Variants in MACROD2 observed in about 807,000 individuals in gnomAD.
MACROD2 encodes the protein ADP-ribose glycohydrolase MACROD2.
Under a neutral mutation model 70.4 loss-of-function variants are expected in MACROD2, and 36 were observed. The ratio of observed to expected loss-of-function variants is 0.51; its 90% confidence interval spans 0.39 to 0.68. The LOEUF is 0.68. Ranked by LOEUF, MACROD2 falls within the 30% of genes least tolerant of loss-of-function variation. The probability of loss-of-function intolerance (pLI) is 0.00; values close to 1 mark genes in which losing one functional copy is unlikely to be tolerated. For synonymous variants in MACROD2, 172 were observed against 178.8 expected (o/e 0.96, Z 0.30); for missense variants, 496 against 538.4 (o/e 0.92, Z 0.78).
chr20:14,545,810 A>T (rs1044139199), intron 4 of MACROD2, among the ~76,000 whole-genome samples: 1 of 152,170 alleles, frequency 6.6e-6, no homozygotes, highest in Non-Finnish European at 1.5e-5. Context: ...GAAGCAGTGA[A>T]GGTGTCTTAT....
intron 5 of MACROD2, among the ~76,000 whole-genome samples, chr20:15,226,416 A>T (rs2076906652): frequency 6.6e-6 from 1 of 152,144 alleles, no homozygotes; most frequent in Non-Finnish European, 1.5e-5. Flanking sequence ...TTCTATTTAC[A>T]TTATCTTATT....
At chr20:15,416,618 G>A (rs1006819694) in intron 6 of MACROD2, among the ~76,000 whole-genome samples, 2 of 152,142 alleles carry the variant, frequency 1.3e-5, no homozygotes, top group Non-Finnish European at 2.9e-5. Flanking sequence ...AAAAGTGGCT[G>A]TATTGGCTGG....
At chr20:15,775,309 G>A (rs140676055) in intron 8 of MACROD2, among the ~76,000 whole-genome samples, 1 of 152,190 alleles carries the variant, frequency 6.6e-6, no homozygotes, top group African/African-American at 2.4e-5. Context: ...AGCCAAGGTC[G>A]CAAAAACTCT....
At chr20:15,516,352 G>A (rs1267329198) in intron 8 of MACROD2, among the ~76,000 whole-genome samples, 1 of 152,082 alleles carries the variant, frequency 6.6e-6, no homozygotes, top group Non-Finnish European at 1.5e-5. Context: ...AAGCCTCTCA[G>A]TCTTTATTTA....
chr20:14,805,394 A>AT (rs1172474538), intron 5 of MACROD2, among the ~76,000 whole-genome samples: 4 of 151,754 alleles, frequency 2.6e-5, no homozygotes, highest in Non-Finnish European at 5.9e-5. Flanking sequence ...TTTTACCTCT[A>AT]TTTTTCCCCA....
intron 5 of MACROD2, among the ~76,000 whole-genome samples, chr20:15,166,999 A>G (rs1444165590): frequency 1.3e-5 from 2 of 151,348 alleles, no homozygotes; most frequent in African/African-American, 2.4e-5. Context: ...GTATGAAATT[A>G]TTAAATTTAA....
At chr20:15,125,986 T>C in intron 5 of MACROD2, among the ~76,000 whole-genome samples, 1 of 149,956 alleles carries the variant, frequency 6.7e-6, no homozygotes, top group East Asian at 1.9e-4. Flanking sequence ...TCAAGATTCA[T>C]CTATGTTGTA....
intron 3 of MACROD2, among the ~76,000 whole-genome samples, chr20:14,372,959 T>A (rs1302810967): frequency 6.6e-6 from 1 of 152,198 alleles, no homozygotes; most frequent in Non-Finnish European, 1.5e-5. Context: ...TGGGGCATAC[T>A]GTCAAAATTC....
chr20:14,866,348 C>T (rs1326849167), intron 5 of MACROD2, among the ~76,000 whole-genome samples: 1 of 152,088 alleles, frequency 6.6e-6, no homozygotes, highest in Non-Finnish European at 1.5e-5. Context: ...TTGATCACAT[C>T]CAAAGTGCAC....
intron 9 of MACROD2, among the ~76,000 whole-genome samples, chr20:15,873,346 T>G (rs2064613576): frequency 6.6e-6 from 1 of 152,136 alleles, no homozygotes; most frequent in African/African-American, 2.4e-5. Context: ...CCTTTCTCAG[T>G]GGGTTACATC....
intron 2 of MACROD2, among the ~76,000 whole-genome samples, chr20:14,075,116 A>G (rs1013221703): frequency 6.6e-6 from 1 of 152,234 alleles, no homozygotes; most frequent in African/African-American, 2.4e-5. Flanking sequence ...GATATGCCAA[A>G]GAGAAGCCAT....
intron 5 of MACROD2, among the ~76,000 whole-genome samples, chr20:14,984,694 G>A (rs1354326627): frequency 6.6e-6 from 1 of 152,116 alleles, no homozygotes; most frequent in Non-Finnish European, 1.5e-5. Flanking sequence ...TTGTGGATTG[G>A]GGAAACATAG....
At chr20:15,641,962 GTCT>G (rs1223082095) in intron 8 of MACROD2, among the ~76,000 whole-genome samples, 3 of 152,182 alleles carry the variant, frequency 2.0e-5, no homozygotes, top group South Asian at 2.1e-4. Context: ...ATACTGCAAA[GTCT>G]TCTTCTTTTC....
At chr20:14,895,530 G>A (rs1021274324) in intron 5 of MACROD2, 3 of 152,020 alleles carry the variant, frequency 2.0e-5, no homozygotes, top group Non-Finnish European at 2.9e-5. Flanking sequence ...TGGCTTTTGC[G>A]GATCAGGAAC....
At position 14,118,906 on chromosome 20, in the gene MACROD2, C is replaced by T. The variant is rs915774441; in HGVS notation, c.271+33178C>T. On this transcript the variant is annotated intron_variant, in intron 3 of 17. Transcript: ENST00000684519. ...TCTTACCCAGATTGGAGTGCAATGG[C>T]GCGATCTCAGCTCACTGCCACCTCT... is the stretch of plus-strand genomic sequence containing the variant. Among the ~76,000 whole-genome samples the T allele has an allele frequency of 4.1e-5, 6 of 145,050 alleles. No homozygotes were observed. The East Asian group carries it at 6.1e-4, about 15-fold the overall frequency.
At chr20:15,980,587 G>A (rs770863313) in intron 13 of MACROD2, among the ~76,000 whole-genome samples, 5 of 152,164 alleles carry the variant, frequency 3.3e-5, no homozygotes, top group East Asian at 1.9e-4. Flanking sequence ...AGAGTTTTAA[G>A]TCCTCTTAGT....
chr20:14,542,653 T>G (rs538933209), intron 4 of MACROD2, among the ~76,000 whole-genome samples: 1 of 152,310 alleles, frequency 6.6e-6, no homozygotes, highest in South Asian at 2.1e-4. Context: ...AAAATCTCTT[T>G]GAAATGTACC....
intron 8 of MACROD2, among the ~76,000 whole-genome samples, chr20:15,859,026 G>A (rs1601006617): frequency 6.6e-6 from 1 of 150,524 alleles, no homozygotes; most frequent in Non-Finnish European, 1.5e-5. Flanking sequence ...ATAACATAAA[G>A]ATTGATTAAC....
intron 11 of MACROD2, 67 bp downstream of exon 11, chr20:15,933,405 CAA>C (rs1229904182): frequency 9.2e-6 from 13 of 1,413,534 alleles, no homozygotes; most frequent in Admixed American, 3.6e-5. Context: ...TAACTTCACT[CAA>C]TGCTATTGTC....
Sources: allele counts gnomAD v4.1 joint callset (sites outside exome capture counted in the v4.1 genomes callset), GRCh38; gene constraint gnomAD v4.1.1; transcripts MANE v1.5; gene names NCBI Gene and HGNC (gene_info 2026-07-23, HGNC 2026-07-21).